The following KIF13B variants were observed in gnomAD, a reference collection of about 807,000 sequenced individuals.
KIF13B encodes the protein kinesin-like protein KIF13B.
Under a neutral mutation model 222.0 loss-of-function variants are expected in KIF13B, and 127 were observed. The observed-to-expected ratio is 0.57, with a 90% CI of 0.50 to 0.66. The LOEUF (loss-of-function observed/expected upper bound fraction) is 0.66. Among genes scored for constraint, KIF13B ranks in the 30% least tolerant of loss-of-function variants. The pLI is 0.00. For missense variants in KIF13B, 2,173 were observed against 2,379.0 expected (o/e 0.91, Z 1.80); for synonymous variants, 976 against 919.0 (o/e 1.06, Z -1.12).
At position 29,070,542 on chromosome 8, in the gene KIF13B, G is replaced by A. The variant is rs1256051327; in HGVS notation, c.5443C>T (p.His1815Tyr). 3 of 1,609,536 alleles carry A rather than the reference G, an allele frequency of 1.9e-6. No homozygotes were observed. The highest frequency in any genetic ancestry group is 1.1e-5 in the South Asian group (1 of 90,432). The change falls in exon 40 of 40, where the codon CAC becomes TAC. Residue 1815 changes from histidine (H) to tyrosine (Y), a missense_variant. Physicochemically the swap from His to Tyr is moderately conservative, Grantham distance 83. This residue lies in a region of KIF13B where 693 missense variants were observed against 656.2 expected (regional missense o/e 1.06). Transcript: ENST00000524189. This position sits in a 1 kb window ranked among gnomAD's most constrained non-coding sequence, Gnocchi z 4.1. Reference sequence around the variant, plus strand: ...GATTTCCGGTTCTCAGGGTTCTTGTGGCTCCTGTCGGCCTTGGCCAGGGCA... The same window carrying A: ...GATTTCCGGTTCTCAGGGTTCTTGTAGCTCCTGTCGGCCTTGGCCAGGGCA... ...TAALAKADRS[H>Y]KNPENRKSWA...
At chr8:29,206,631 C>T (rs1230857187) in intron 2 of KIF13B, among the ~76,000 whole-genome samples, 1 of 152,144 alleles carries the variant, frequency 6.6e-6, no homozygotes, top group Non-Finnish European at 1.5e-5. Context: ...CTTTTTCCTT[C>T]TGATAGTCAT....
At chr8:29,206,719 A>G (rs1174485000) in intron 2 of KIF13B, among the ~76,000 whole-genome samples, 1 of 152,234 alleles carries the variant, frequency 6.6e-6, no homozygotes, top group African/African-American at 2.4e-5. Flanking sequence ...AAAACGGGAC[A>G]AAAACCTTGC....
At position 29,127,196 on chromosome 8, in the gene KIF13B, A is replaced by G; in HGVS notation, c.3148T>C (p.Cys1050Arg). 6.2e-7 allele frequency: 1 copy of G among 1,613,966 alleles called. No homozygotes were observed. The highest frequency in any genetic ancestry group is 1.3e-5 in the African/African-American group (1 of 75,042). The change falls in exon 25 of 40, where the codon TGT (cysteine) becomes CGT (arginine). Residue 1050 changes from cysteine (C) to arginine (R), a missense_variant. Physicochemically the swap from Cys to Arg is radical, Grantham distance 180 (BLOSUM62 -3). Around this residue, in one of 2 missense-constraint regions of KIF13B, gnomAD observed 1,480 missense variants for 1,722.8 expected, o/e 0.86. Coordinates refer to ENST00000524189, the MANE Select transcript of KIF13B (RefSeq NM_015254.4). ...ESGTLPLMEE[C>R]ILSVGIGCVK... ...CATCCAATGCCAACAGACAGTATACATTCTTCCATCAGTGGTAAAGTCCCA... is the reference window on the plus strand; with the variant it reads ...CATCCAATGCCAACAGACAGTATACGTTCTTCCATCAGTGGTAAAGTCCCA...
chr8:29,262,866 C>T (rs1587004255), intron 1 of KIF13B, 114 bp downstream of exon 1: 5 of 792,480 alleles, frequency 6.3e-6, no homozygotes, highest in Admixed American at 4.1e-5. Context: ...CCTCCTCGCG[C>T]CCCGCCGCTG....
At chr8:29,100,730 G>A (rs1055135758) in intron 35 of KIF13B, among the ~76,000 whole-genome samples, 6 of 152,196 alleles carry the variant, frequency 3.9e-5, no homozygotes, top group African/African-American at 1.2e-4. Context: ...GATTACAGGC[G>A]TGAGCCAACG....
chr8:29,079,468 C>A (rs1001656302), intron 37 of KIF13B, among the ~76,000 whole-genome samples: 1 of 152,202 alleles, frequency 6.6e-6, no homozygotes, highest in Non-Finnish European at 1.5e-5. Flanking sequence ...CTCATTCATC[C>A]CTGTATTTCC....
At chr8:29,133,465 C>T (rs1042985957) in intron 22 of KIF13B, among the ~76,000 whole-genome samples, 2 of 152,162 alleles carry the variant, frequency 1.3e-5, no homozygotes, top group African/African-American at 4.8e-5. Flanking sequence ...GTGGCAAGCA[C>T]CTGTAATCCC....
At chr8:29,233,644 T>A (rs901959827) in intron 2 of KIF13B, among the ~76,000 whole-genome samples, 4 of 152,254 alleles carry the variant, frequency 2.6e-5, no homozygotes, top group Non-Finnish European at 4.4e-5. Context: ...CTTTTGTTTA[T>A]ATGGGTTATA....
chr8:29,210,859 C>T (rs1306584726), intron 2 of KIF13B, among the ~76,000 whole-genome samples: 1 of 152,182 alleles, frequency 6.6e-6, no homozygotes, highest in Non-Finnish European at 1.5e-5. Flanking sequence ...AATTTGTTTT[C>T]CCTTCAGCAA....
At chr8:29,237,384 G>A (rs1477581222) in intron 2 of KIF13B, among the ~76,000 whole-genome samples, 1 of 151,950 alleles carries the variant, frequency 6.6e-6, no homozygotes, top group East Asian at 1.9e-4. Context: ...ACTTTATGCT[G>A]AGTCCAGAAT....
At position 29,176,214 on chromosome 8, in the gene KIF13B, A is replaced by G. The variant is rs117338543; in HGVS notation, c.834-35T>C. The G allele has an allele frequency of 1.3e-3, 1,653 of 1,225,440 alleles. 20 individuals are homozygous for G. The East Asian group carries it at 0.026, about 19-fold the overall frequency. The allele number at this position is 1,225,440 out of a possible 1,614,324, so 75.9% of individuals were successfully genotyped here. ...GCAACAAACCAAAATAATTACAAAA[A>G]TGAAATATATCAAATGTCACATTTT... On this transcript the variant is annotated intron_variant, in intron 9 of 39. Coordinates refer to ENST00000524189, the MANE Select transcript of KIF13B (RefSeq NM_015254.4).
chr8:29,107,645 C>T lies in KIF13B; in HGVS notation c.4215+494G>A, dbSNP rs180991031. ...TGCGATTTTGGCTCACTGCAGGCTC[C>T]GCCCCCCGGGGTTCACACCATTCTC... On this transcript the variant is annotated intron_variant, in intron 35 of 39. Coordinates refer to ENST00000524189, the MANE Select transcript of KIF13B (RefSeq NM_015254.4). Among the ~76,000 whole-genome samples the T allele has an allele frequency of 6.0e-3, 903 of 151,686 alleles. 4 individuals are homozygous for T. The highest frequency in any genetic ancestry group is 9.2e-3 in the Non-Finnish European group (624 of 67,906).
intron 9 of KIF13B, 38 bp downstream of exon 9, chr8:29,177,428 T>C (rs768668481): frequency 5.4e-6 from 7 of 1,297,436 alleles, no homozygotes; most frequent in Admixed American, 1.7e-5. Context: ...GGCTATTAAA[T>C]AAATAAAGCA....
chr8:29,186,925 C>T (rs1278763804), intron 5 of KIF13B, among the ~76,000 whole-genome samples: 3 of 149,046 alleles, frequency 2.0e-5, no homozygotes, highest in South Asian at 2.1e-4. Flanking sequence ...GCCGAGATTG[C>T]GCCACTGCAC....
chr8:29,075,374 G>T lies in KIF13B; in HGVS notation c.4459-31C>A, dbSNP rs374821262. 5.8e-6 allele frequency: 9 copies of T among 1,545,880 alleles called. No individual in the cohort carries two copies. The South Asian group carries it at 9.6e-5, about 17-fold the overall frequency. On this transcript the variant is annotated intron_variant, in intron 37 of 39. Transcript: ENST00000524189. ...GAGGCAAGTGTGCAGGTCAGGGGTC[G>T]AGAGGACAGAACAGGGGTAGCAGAA...
intron 2 of KIF13B, among the ~76,000 whole-genome samples, chr8:29,198,735 G>C (rs150546805): frequency 6.6e-6 from 1 of 151,932 alleles, no homozygotes; most frequent in South Asian, 2.1e-4. Flanking sequence ...ACATGCATAT[G>C]TATGTTTATT....
chr8:29,187,968 C>A (rs573541504), intron 5 of KIF13B, among the ~76,000 whole-genome samples: 25 of 152,186 alleles, frequency 1.6e-4, no homozygotes, highest in Non-Finnish European at 2.1e-4. Context: ...CGCCGCCTGG[C>A]CCCAGCTTTC....
chr8:29,127,524 A>C (rs1231178370), intron 24 of KIF13B, among the ~76,000 whole-genome samples: 1 of 152,242 alleles, frequency 6.6e-6, no homozygotes, highest in Non-Finnish European at 1.5e-5. Flanking sequence ...AAATTCTAAG[A>C]AAGGAAATGC....
chr8:29,136,343 C>T lies in KIF13B; in HGVS notation c.2614-2133G>A, dbSNP rs912411516. On this transcript the variant is annotated intron_variant, in intron 21 of 39. Coordinates refer to ENST00000524189, the MANE Select transcript of KIF13B (RefSeq NM_015254.4). The stretch of plus-strand genomic sequence containing the variant: ...CCTGTAATCCCAGCACTTTGGGAGG[C>T]CAAGGTGGGCGGATCACCTGAGGTC... Among the ~76,000 whole-genome samples the T allele has an allele frequency of 2.8e-4, 42 of 152,146 alleles. 3 individuals are homozygous for T. The highest frequency in any genetic ancestry group is 9.9e-4 in the African/African-American group (41 of 41,494).
Sources: gnomAD v4.1 joint callset for allele counts (sites outside exome capture counted in the v4.1 genomes callset) on GRCh38, gnomAD v4.1.1 for gene constraint, gnomAD v4.1.1 regional missense constraint, Gnocchi (gnomAD v3.1) non-coding constraint, MANE v1.5 for transcripts, NCBI Gene and HGNC (gene_info 2026-07-23, HGNC 2026-07-21) for gene names.